The following SAMMSON variants were observed in gnomAD, a reference collection of about 807,000 sequenced individuals.
SAMMSON encodes long intergenic non-protein coding RNA 1212.
chr3:70,353,094 AT>A (rs1161364054), intron 7 of SAMMSON, among the ~76,000 whole-genome samples: 3 of 152,032 alleles, frequency 2.0e-5, no homozygotes, highest in Non-Finnish European at 4.4e-5. Context: ...CTTATAACCT[AT>A]CAATGGACTT....
At chr3:70,159,845 C>T (rs940988173) in intron 4 of SAMMSON, among the ~76,000 whole-genome samples, 4 of 152,046 alleles carry the variant, frequency 2.6e-5, no homozygotes, top group African/African-American at 7.2e-5. Flanking sequence ...TGTGAGCCAC[C>T]GTGCCTGGCC....
At chr3:70,231,710 C>CGGAGAGAAGAAATGGGACAA (rs1463355684) in intron 4 of SAMMSON, among the ~76,000 whole-genome samples, 1 of 152,010 alleles carries the variant, frequency 6.6e-6, no homozygotes, top group African/African-American at 2.4e-5. Flanking sequence ...CAGAGATACA[C>CGGAGAGAAGAAATGGGACAA]GGAGAGAAGA....
At chr3:70,052,593 G>A (rs2067150538) in intron 3 of SAMMSON, among the ~76,000 whole-genome samples, 1 of 152,132 alleles carries the variant, frequency 6.6e-6, no homozygotes, top group African/African-American at 2.4e-5. Flanking sequence ...TTTGGTGGTG[G>A]TAAGTGGAAT....
intron 4 of SAMMSON, among the ~76,000 whole-genome samples, chr3:70,217,085 T>C (rs913461380): frequency 6.6e-6 from 1 of 152,170 alleles, no homozygotes; most frequent in Admixed American, 6.6e-5. Flanking sequence ...TTTACTTGCT[T>C]ATGGTGTACA....
At chr3:70,349,111 A>C (rs1166309398) in intron 7 of SAMMSON, among the ~76,000 whole-genome samples, 1 of 152,170 alleles carries the variant, frequency 6.6e-6, no homozygotes, top group African/African-American at 2.4e-5. Context: ...ACAGTGGTTC[A>C]TGCCTGTAAT....
At chr3:70,269,279 T>C (rs987345476) in intron 6 of SAMMSON, among the ~76,000 whole-genome samples, 8 of 152,232 alleles carry the variant, frequency 5.3e-5, no homozygotes, top group Non-Finnish European at 1.2e-4. Flanking sequence ...CAGTGTTAAA[T>C]TAAGTTTAGC....
At chr3:70,261,265 T>C (rs948005242) in intron 6 of SAMMSON, among the ~76,000 whole-genome samples, 3 of 152,220 alleles carry the variant, frequency 2.0e-5, no homozygotes, top group African/African-American at 7.2e-5. Flanking sequence ...AGCCATGCTA[T>C]CTCTTTTAAG....
intron 4 of SAMMSON, among the ~76,000 whole-genome samples, chr3:70,170,254 G>GT (rs895894174): frequency 4.6e-4 from 69 of 149,948 alleles, no homozygotes; most frequent in African/African-American, 3.2e-4. Flanking sequence ...TGTAGGAAAG[G>GT]TTTTTTTTTC....
chr3:70,088,476 C>T (rs540180183), intron 4 of SAMMSON, among the ~76,000 whole-genome samples: 9 of 152,160 alleles, frequency 5.9e-5, no homozygotes, highest in South Asian at 2.1e-4. Flanking sequence ...TGCATCTCAA[C>T]GGAAGTGAGA....
intron 6 of SAMMSON, among the ~76,000 whole-genome samples, chr3:70,265,495 T>C (rs1701908809): frequency 7.1e-6 from 1 of 140,566 alleles, no homozygotes; most frequent in Admixed American, 7.0e-5. Context: ...CCATACTCCC[T>C]GCACACACAC....
At chr3:70,391,460 C>G (rs1428006124), downstream of SAMMSON, among the ~76,000 whole-genome samples, 1 of 149,782 alleles carries the variant, frequency 6.7e-6, no homozygotes, top group African/African-American at 2.5e-5. Flanking sequence ...GTGTTTTAGC[C>G]AGGTGCCAGT....
chr3:70,045,042 AAT>A (rs1491150548), intron 3 of SAMMSON, among the ~76,000 whole-genome samples: 8 of 123,580 alleles, frequency 6.5e-5, no homozygotes, highest in Admixed American at 2.9e-4. Context: ...TATTATAATT[AAT>A]ATATATAATT....
chr3:70,087,918 G>A (rs761951289), intron 4 of SAMMSON, among the ~76,000 whole-genome samples: 3 of 152,128 alleles, frequency 2.0e-5, no homozygotes, highest in Non-Finnish European at 4.4e-5. Flanking sequence ...AAAGACAGGG[G>A]CAAATATCAG....
chr3:70,201,098 T>C (rs999336495), intron 4 of SAMMSON, among the ~76,000 whole-genome samples: 7 of 152,144 alleles, frequency 4.6e-5, no homozygotes, highest in African/African-American at 1.4e-4. Flanking sequence ...GTTTGCTACA[T>C]AGGTAAACTT....
chr3:70,409,530 A>G (rs1363178319), intron 2 of SAMMSON, among the ~76,000 whole-genome samples: 1 of 151,866 alleles, frequency 6.6e-6, no homozygotes, highest in Admixed American at 6.6e-5. Context: ...GAATGTGTAG[A>G]CATGTATTTT....
chr3:70,250,667 C>T (rs934025635), intron 6 of SAMMSON, among the ~76,000 whole-genome samples: 3 of 152,110 alleles, frequency 2.0e-5, no homozygotes, highest in Non-Finnish European at 4.4e-5. Flanking sequence ...CAAAAATTTC[C>T]AGCTTCCCTA....
At chr3:70,354,366 A>G (rs1039580307) in intron 8 of SAMMSON, 1 of 152,240 alleles carries the variant, frequency 6.6e-6, no homozygotes, top group Admixed American at 6.5e-5. Context: ...AGAAAAAAAG[A>G]TGAAAGATGA....
At chr3:70,283,179 T>C (rs550912296) in intron 6 of SAMMSON, among the ~76,000 whole-genome samples, 6 of 152,250 alleles carry the variant, frequency 3.9e-5, no homozygotes, top group Admixed American at 3.9e-4. Flanking sequence ...AGCAGTCCTG[T>C]GGCAGGAGAT....
intron 7 of SAMMSON, among the ~76,000 whole-genome samples, chr3:70,330,490 T>G (rs1425218838): frequency 1.3e-5 from 2 of 152,026 alleles, no homozygotes; most frequent in African/African-American, 4.8e-5. Flanking sequence ...CCTGAGGTCT[T>G]TTATAGGTAA....
Sources: allele counts gnomAD v4.1 joint callset (sites outside exome capture counted in the v4.1 genomes callset), GRCh38; gene constraint gnomAD v4.1.1; transcripts MANE v1.5; gene names NCBI Gene and HGNC (gene_info 2026-07-23, HGNC 2026-07-21).